The following CHN2 variants were observed in gnomAD, a reference collection of about 807,000 sequenced individuals.
The protein encoded by CHN2 is beta-chimaerin.
Under a neutral mutation model 56.3 loss-of-function variants are expected in CHN2, and 35 were observed. The ratio of observed to expected loss-of-function variants is 0.62; its 90% confidence interval spans 0.47 to 0.82. The LOEUF (loss-of-function observed/expected upper bound fraction) is 0.82, where lower values mean the gene tolerates loss of function less well. Among genes scored for constraint, CHN2 ranks in the 40% least tolerant of loss-of-function variants. The pLI is 0.00. For missense variants in CHN2, 491 were observed against 580.5 expected (o/e 0.85, Z 1.58); for synonymous variants, 210 against 212.8 (o/e 0.99, Z 0.12).
intron 1 of CHN2, among the ~76,000 whole-genome samples, chr7:29,311,902 A>C (rs1562909359): frequency 6.6e-6 from 1 of 152,198 alleles, no homozygotes; most frequent in African/African-American, 2.4e-5. Context: ...ATAATGGAGG[A>C]GGGGGGTGAC....
intron 6 of CHN2, among the ~76,000 whole-genome samples, chr7:29,401,475 C>T (rs79262206): frequency 6.6e-6 from 1 of 152,238 alleles, no homozygotes; most frequent in Non-Finnish European, 1.5e-5. Context: ...TGAGGTGTCA[C>T]TGGCTCCATC....
At position 29,479,882 on chromosome 7, in the gene CHN2, G is replaced by GTGCA; in HGVS notation, c.577-397_577-396insTGCA. ...ATGAATGTTTGCTATTGTTCCAGGC[G>GTGCA]CACGTCGGCCTTAAGAAATAGCACA... On this transcript the variant is annotated intron_variant, in intron 6 of 12. Transcript: ENST00000222792. 4.3e-6 allele frequency: 6 copies of GTGCA among 1,394,222 alleles called. No homozygotes were observed. In the African/African-American group the frequency reaches 7.3e-5, roughly 17 times the overall value. The allele number at this position is 1,394,222 out of a possible 1,614,324, so 86.4% of individuals were successfully genotyped here.
At chr7:29,491,031 G>A (rs986620539) in intron 7 of CHN2, among the ~76,000 whole-genome samples, 6 of 151,984 alleles carry the variant, frequency 3.9e-5, no homozygotes, top group Admixed American at 2.0e-4. Context: ...TTTCAATTTC[G>A]CTTTATATTT....
intron 6 of CHN2, chr7:29,479,529 C>A: frequency 2.7e-6 from 1 of 375,842 alleles, no homozygotes; most frequent in Non-Finnish European, 3.7e-6. Flanking sequence ...ATTAAGCTTT[C>A]AAGTGCTAAG....
At chr7:29,398,068 G>C (rs980900024) in intron 4 of CHN2, 5 of 226,894 alleles carry the variant, frequency 2.2e-5, no homozygotes, top group South Asian at 2.7e-4. Flanking sequence ...AGGGGGGGGG[G>C]GGGCGGTGGT....
intron 1 of CHN2, among the ~76,000 whole-genome samples, chr7:29,236,944 A>G (rs983270535): frequency 6.6e-6 from 1 of 152,128 alleles, no homozygotes; most frequent in African/African-American, 2.4e-5. Context: ...ATCCAACTCA[A>G]AATCCTTCAT....
intron 1 of CHN2, among the ~76,000 whole-genome samples, chr7:29,195,623 A>AGTGTGTGTGTGT (rs1321934892): frequency 7.8e-6 from 1 of 128,118 alleles, no homozygotes; most frequent in African/African-American, 3.4e-5. Context: ...AGAGAGAGAG[A>AGTGTGTGTGTGT]GAGAGAGTGT....
intron 2 of CHN2, chr7:29,147,097 T>A (rs1792835507): frequency 9.0e-6 from 11 of 1,219,022 alleles, no homozygotes; most frequent in Non-Finnish European, 1.2e-5. Context: ...TGAGGTTAAG[T>A]AACCCATCCA....
At chr7:29,168,794 T>C (rs1288927812) in intron 2 of CHN2, among the ~76,000 whole-genome samples, 1 of 152,270 alleles carries the variant, frequency 6.6e-6, no homozygotes, top group Non-Finnish European at 1.5e-5. Flanking sequence ...TAGTTTAGCA[T>C]GTATTCATGT....
chr7:29,438,574 G>T (rs551815084), intron 6 of CHN2, among the ~76,000 whole-genome samples: 1 of 152,050 alleles, frequency 6.6e-6, no homozygotes, highest in African/African-American at 2.4e-5. Flanking sequence ...CTTTGCAAAT[G>T]TTCAACTATT....
intron 2 of CHN2, among the ~76,000 whole-genome samples, chr7:29,165,192 T>G (rs527643471): frequency 4.6e-5 from 7 of 152,220 alleles, no homozygotes; most frequent in African/African-American, 1.7e-4. Flanking sequence ...GGCATGTATA[T>G]CTCATCTTTT....
chr7:29,187,091 T>C (rs1798807354), intron 2 of CHN2, among the ~76,000 whole-genome samples: 1 of 152,160 alleles, frequency 6.6e-6, no homozygotes, highest in Non-Finnish European at 1.5e-5. Flanking sequence ...GGAGAGTGAC[T>C]TTTCTATATC....
At chr7:29,426,778 C>T (rs1804897388) in intron 6 of CHN2, among the ~76,000 whole-genome samples, 1 of 152,192 alleles carries the variant, frequency 6.6e-6, no homozygotes, top group Non-Finnish European at 1.5e-5. Context: ...GGGAGGAATG[C>T]ACTTCCAATC....
chr7:29,242,772 A>G (rs1245578964), intron 1 of CHN2, among the ~76,000 whole-genome samples: 1 of 149,628 alleles, frequency 6.7e-6, no homozygotes, highest in Non-Finnish European at 1.5e-5. Flanking sequence ...AAAAAAAAAA[A>G]AAAAAAAAAA....
Position 29,425,034 on chromosome 7 carries a change from G to T in CHN2, c.576+24206G>T, listed in dbSNP as rs544282061. Among the ~76,000 whole-genome samples, 9 of 152,148 alleles carry T rather than the reference G, an allele frequency of 5.9e-5. No individual in the cohort carries two copies. The South Asian group carries it at 1.5e-3, about 25-fold the overall frequency. On this transcript the variant is annotated intron_variant, in intron 6 of 12. Coordinates refer to ENST00000222792, the MANE Select transcript of CHN2 (RefSeq NM_004067.4). The stretch of plus-strand genomic sequence containing the variant: ...GAGATTTGACAAGCAGTGGATGTTG[G>T]TGACTCACACACTGTTGATTGTGAT...
In CHN2 at chr7:29,262,698, G is replaced by A. The variant is rs183437498; in HGVS notation, c.49+67708G>A. On this transcript the variant is annotated intron_variant, in intron 1 of 12. Transcript: ENST00000222792. ...AGTTTTGCAAAAGAGAAACAATTCTGAAGATGGATGGTGGTGATGGTTTTA... is the reference window on the plus strand; with the variant it reads ...AGTTTTGCAAAAGAGAAACAATTCTAAAGATGGATGGTGGTGATGGTTTTA... Among the ~76,000 whole-genome samples the A allele has an allele frequency of 2.0e-5, 3 of 152,280 alleles. No individual in the cohort carries two copies. The East Asian group carries it at 5.8e-4, about 29-fold the overall frequency.
Position 29,494,933 on chromosome 7 carries a change from TAAATA to T in CHN2, c.655-1015_655-1011del, listed in dbSNP as rs1282125250. On this transcript the variant is annotated intron_variant, in intron 7 of 12. Coordinates refer to ENST00000222792, the MANE Select transcript of CHN2 (RefSeq NM_004067.4). ...CACACTCATCATCCTGCTTTTTTGTTAAATAAAAGCAGTTTGTAAAAAAAAAAAAA... is the reference window on the plus strand; with the variant it reads ...CACACTCATCATCCTGCTTTTTTGTTAAAGCAGTTTGTAAAAAAAAAAAAA... 8.8e-5 allele frequency among the ~76,000 whole-genome samples: 8 copies of T among 91,064 alleles called. No individual in the cohort carries two copies. In the Admixed American group the frequency reaches 9.6e-4, roughly 11 times the overall value. The allele number at this position is 91,064 out of a possible 152,430, so 59.7% of individuals were successfully genotyped here.
At chr7:29,149,018 C>T (rs1489483217) in intron 2 of CHN2, among the ~76,000 whole-genome samples, 1 of 152,088 alleles carries the variant, frequency 6.6e-6, no homozygotes, top group Non-Finnish European at 1.5e-5. Flanking sequence ...CAGGTTGATG[C>T]TGTGCTCTTG....
intron 12 of CHN2, among the ~76,000 whole-genome samples, chr7:29,511,742 T>C (rs1791444497): frequency 6.9e-6 from 1 of 144,614 alleles, no homozygotes; most frequent in Admixed American, 7.0e-5. Context: ...ATTTTAATTA[T>C]ATTTTGCTCA....
Sources: gnomAD v4.1 joint callset for allele counts (sites outside exome capture counted in the v4.1 genomes callset) on GRCh38, gnomAD v4.1.1 for gene constraint, MANE v1.5 for transcripts, NCBI Gene and HGNC (gene_info 2026-07-23, HGNC 2026-07-21) for gene names.